TRMT2B: variants seen among roughly 807,000 people sequenced by gnomAD.
TRMT2B encodes tRNA methyltransferase 2B.
Under a neutral mutation model 39.7 loss-of-function variants are expected in TRMT2B, and 34 were observed. The ratio of observed to expected loss-of-function variants is 0.86; its 90% CI spans 0.65 to 1.14. The LOEUF is 1.14. TRMT2B is among the 50% of genes most tolerant of loss of function. The pLI is 0.00. For missense variants in TRMT2B, 318 were observed against 377.2 expected (o/e 0.84, Z 1.30); for synonymous variants, 132 against 137.3 (o/e 0.96, Z 0.27).
At chrX:101,031,334 C>A (rs752152449) in intron 7 of TRMT2B, among the ~76,000 whole-genome samples, 2 of 111,757 alleles carry the variant, frequency 1.8e-5, no homozygotes, top group South Asian at 7.4e-4. Flanking sequence ...TTGGTTAACA[C>A]CTCCATTATA....
chrX:101,002,331 TAC>T, the TRMT2B span, among the ~76,000 whole-genome samples: 3 of 112,171 alleles, frequency 2.7e-5, no homozygotes, highest in Non-Finnish European at 3.8e-5. Flanking sequence ...GCATTTACCA[TAC>T]AGTCACCATA....
chrX:100,974,197 T>C, the TRMT2B span: 3 of 1,176,973 alleles, frequency 2.5e-6, no homozygotes, highest in South Asian at 1.9e-5. Context: ...ATTCCAAAAA[T>C]GTAAGGAACT....
the TRMT2B span, among the ~76,000 whole-genome samples, chrX:100,992,554 C>G: frequency 9.0e-6 from 1 of 110,958 alleles, no homozygotes; most frequent in Non-Finnish European, 1.9e-5. Context: ...GCACTCCAGC[C>G]TGGGCAACAG....
intron 9 of TRMT2B, among the ~76,000 whole-genome samples, chrX:101,021,695 T>C (rs925171415): frequency 5.4e-5 from 6 of 111,412 alleles, no homozygotes; most frequent in East Asian, 2.8e-4. Context: ...TCCCTAGTGG[T>C]TGGGTAGACA....
At chrX:101,020,181 T>G (rs766131014) in intron 11 of TRMT2B, among the ~76,000 whole-genome samples, 1 of 111,949 alleles carries the variant, frequency 8.9e-6, no homozygotes, top group South Asian at 3.7e-4. Context: ...CTATAAGGCC[T>G]CGTGAGTCTA....
At chrX:100,987,676 T>C in the TRMT2B span, 1 of 795,301 alleles carries the variant, frequency 1.3e-6, no homozygotes, top group Non-Finnish European at 1.8e-6. Context: ...AGTCTCTTGA[T>C]ATCATTGGCT....
At chrX:100,988,350 TCCC>T in the TRMT2B span, 1 of 1,205,073 alleles carries the variant, frequency 8.3e-7, no homozygotes, top group Non-Finnish European at 1.1e-6. Context: ...CAACTAACTT[TCCC>T]CCCCATCATC....
At chrX:101,028,213 G>C (rs2087236168) in intron 7 of TRMT2B, among the ~76,000 whole-genome samples, 2 of 105,422 alleles carry the variant, frequency 1.9e-5, no homozygotes, top group Admixed American at 2.1e-4. Context: ...CCACCTCCTG[G>C]ATTCAAGCGA....
chrX:101,021,180 T>C lies in TRMT2B; in HGVS notation c.987A>G (p.Ala329=). 8.3e-7 allele frequency: 1 copy of C among 1,211,064 alleles called. No homozygotes were observed. Among genetic ancestry groups the C allele is most frequent in the South Asian group, 1.8e-5 (1 of 56,944 alleles). Residue 329 remains alanine, a synonymous_variant, in exon 10 of 14, where the codon GCA becomes GCG. Transcript: ENST00000372936. ...DAFFQINTAG[A]EMLYRTVGEL... ...CCCCCACAGTCCGATACAGCATCTC[T>C]GCACCAGCTGTGTTAATCTGGAAAA...
rs549571615 is a variant in TRMT2B, at chrX:101,045,333, A to G, written c.-23-3021T>C. On this transcript the variant is annotated intron_variant, in intron 2 of 13. Transcript: ENST00000372936. Reference sequence around the variant, plus strand: ...GCCGCGCATGGTGGCACATGCCTGTAATCCCAGTTACTCGGGAGGCTGAGG... The same window carrying G: ...GCCGCGCATGGTGGCACATGCCTGTGATCCCAGTTACTCGGGAGGCTGAGG... Among the ~76,000 whole-genome samples, 5 of 108,018 alleles carry G rather than the reference A, an allele frequency of 4.6e-5. No individual in the cohort carries two copies. The Admixed American group carries it at 5.1e-4, about 11-fold the overall frequency. The allele number at this position is 108,018 out of a possible 115,157, so 93.8% of individuals were successfully genotyped here.
In TRMT2B at chrX:101,010,603, A is replaced by G; in HGVS notation, c.1493T>C (p.Leu498Pro). 8.3e-7 allele frequency: 1 copy of G among 1,211,658 alleles called. No homozygotes were observed. Among genetic ancestry groups the G allele is most frequent in the Non-Finnish European group, 1.1e-6 (1 of 895,309 alleles). Residue 498 changes from leucine (L) to proline (P), a missense_variant, in exon 14 of 14, where the codon CTG (leucine) becomes CCG (proline). By Grantham distance (98) the Leu-to-Pro change is moderately conservative. Coordinates refer to ENST00000372936, the MANE Select transcript of TRMT2B (RefSeq NM_024917.6). Reference sequence around the variant, plus strand: ...TGCTTATCGAGTAAAGAGGAGCACCAGCTCACAATGTGGGGTGTGAGGGAA... The same window carrying G: ...TGCTTATCGAGTAAAGAGGAGCACCGGCTCACAATGTGGGGTGTGAGGGAA... ...DLFPHTPHCE[L>P]VLLFTR is the part of the protein sequence containing the mutation.
the TRMT2B span, chrX:100,986,809 C>T: frequency 8.4e-7 from 1 of 1,194,146 alleles, no homozygotes; most frequent in African/African-American, 1.7e-5. Context: ...AGCAAACAAA[C>T]AAGACAAGAA....
intron 13 of TRMT2B, among the ~76,000 whole-genome samples, chrX:101,014,738 A>T (rs2086433191): frequency 9.1e-6 from 1 of 110,245 alleles, no homozygotes; most frequent in Non-Finnish European, 1.9e-5. Flanking sequence ...GGGTTTCACC[A>T]TGTTGCCCAG....
chrX:101,028,559 C>A (rs2087258754), intron 7 of TRMT2B, among the ~76,000 whole-genome samples: 1 of 111,715 alleles, frequency 9.0e-6, no homozygotes, highest in Admixed American at 9.6e-5. Flanking sequence ...CAGCTTCTCT[C>A]AATTTGTCTC....
At chrX:101,014,755 C>A (rs1367081166) in intron 13 of TRMT2B, among the ~76,000 whole-genome samples, 1 of 110,525 alleles carries the variant, frequency 9.0e-6, no homozygotes, top group East Asian at 2.8e-4. Context: ...CCAGGCTGTT[C>A]TCAAACTCCT....
chrX:100,973,576 C>T, the TRMT2B span: 1 of 955,597 alleles, frequency 1.0e-6, no homozygotes, highest in Non-Finnish European at 1.5e-6. Context: ...CAATCCCAGG[C>T]TTTCTGTTTA....
intron 13 of TRMT2B, among the ~76,000 whole-genome samples, chrX:101,013,119 T>A (rs748789463): frequency 1.3e-4 from 15 of 111,556 alleles, no homozygotes; most frequent in African/African-American, 4.9e-4. Context: ...CCGCGCCCGG[T>A]CAGCTCCATT....
the TRMT2B span, among the ~76,000 whole-genome samples, chrX:100,981,975 A>G: frequency 3.6e-5 from 4 of 109,839 alleles, no homozygotes; most frequent in African/African-American, 1.3e-4. Flanking sequence ...GCCATCTCCA[A>G]GTCATTATTA....
the TRMT2B span, chrX:100,990,603 G>A: frequency 8.7e-7 from 1 of 1,153,705 alleles, no homozygotes; most frequent in Non-Finnish European, 1.2e-6. Flanking sequence ...CTCAAGAAGA[G>A]TGAGATGGCA....
Sources: gnomAD v4.1 joint callset for allele counts (sites outside exome capture counted in the v4.1 genomes callset) on GRCh38, gnomAD v4.1.1 for gene constraint, MANE v1.5 for transcripts, NCBI Gene and HGNC (gene_info 2026-07-23, HGNC 2026-07-21) for gene names.